The following ZYG11B variants were observed in gnomAD, a reference collection of about 807,000 sequenced individuals.
ZYG11B encodes zyg-11 family member B, cell cycle regulator.
ZYG11B carries 36 observed loss-of-function variants against 82.4 expected under a neutral mutation model. The ratio of observed to expected loss-of-function variants is 0.44; its 90% CI spans 0.33 to 0.58. The LOEUF is 0.58. Among genes scored for constraint, ZYG11B ranks in the 20% least tolerant of loss-of-function variants. The pLI, the probability that ZYG11B is intolerant of heterozygous loss-of-function variation, is 0.02. For synonymous variants in ZYG11B, 303 were observed against 312.8 expected (o/e 0.97, Z 0.33); for missense variants, 552 against 895.6 (o/e 0.62, Z 4.90).
chr1:52,762,234 G>T (rs989173406), intron 2 of ZYG11B, among the ~76,000 whole-genome samples: 2 of 147,970 alleles, frequency 1.4e-5, no homozygotes, highest in Admixed American at 6.7e-5. Flanking sequence ...TTTTTGACAG[G>T]GTCTCACTCT....
At chr1:52,820,978 G>GAGGCACA (rs1645278046) in intron 13 of ZYG11B, among the ~76,000 whole-genome samples, 1 of 151,338 alleles carries the variant, frequency 6.6e-6, no homozygotes, top group African/African-American at 2.4e-5. Context: ...GCATGTGCCT[G>GAGGCACA]TATTTCCAGG....
chr1:52,769,539 C>T (rs1644728227), intron 2 of ZYG11B, among the ~76,000 whole-genome samples: 1 of 152,154 alleles, frequency 6.6e-6, no homozygotes. Context: ...CTGTGTGGAG[C>T]TAGTGACTAT....
rs1316994658 is a variant in ZYG11B at position 52,771,880 on chromosome 1, CAG to C, written c.951+107_951+108del. On this transcript the variant is annotated intron_variant, in intron 3 of 13. Coordinates refer to ENST00000294353, the MANE Select transcript of ZYG11B (RefSeq NM_024646.3). This position sits in a 1 kb window ranked among gnomAD's most constrained non-coding sequence, Gnocchi z 5.4. ...TAATATATGGAACATGTTCATGAAACAGGGCTGCATATAGTTGAAAGGCTTAG... is the reference window on the plus strand; with the variant it reads ...TAATATATGGAACATGTTCATGAAACGGCTGCATATAGTTGAAAGGCTTAG... 5.2e-6 allele frequency: 7 copies of C among 1,343,654 alleles called. No individual in the cohort carries two copies. The African/African-American group carries it at 8.8e-5, about 17-fold the overall frequency. 83.2% of individuals were successfully genotyped at this position (1,343,654 alleles called of 1,614,324 possible).
intron 2 of ZYG11B, among the ~76,000 whole-genome samples, chr1:52,769,287 A>C (rs1644726118): frequency 6.6e-6 from 1 of 152,208 alleles, no homozygotes; most frequent in Non-Finnish European, 1.5e-5. Context: ...GTTTAATCGA[A>C]ATGTAATTTT....
At chr1:52,776,434 T>A (rs1363163473) in intron 3 of ZYG11B, among the ~76,000 whole-genome samples, 1 of 148,650 alleles carries the variant, frequency 6.7e-6, no homozygotes, top group Non-Finnish European at 1.5e-5. Context: ...CTTAGGAGGC[T>A]GAGGCAGGAG....
chr1:52,726,806 C>T (rs1046670919), intron 1 of ZYG11B, 123 bp downstream of exon 1: 7 of 957,104 alleles, frequency 7.3e-6, no homozygotes, highest in East Asian at 3.3e-5. Flanking sequence ...CTGCCTTTAC[C>T]TCTCTCCCTC....
At chr1:52,747,015 A>G (rs758175161) in intron 1 of ZYG11B, among the ~76,000 whole-genome samples, 18 of 151,512 alleles carry the variant, frequency 1.2e-4, no homozygotes, top group Non-Finnish European at 1.5e-4. Context: ...GCCACATTCT[A>G]AATATATGAA....
In ZYG11B at chr1:52,771,162, A is replaced by G. The variant is rs946988931; in HGVS notation, c.339A>G (p.Thr113=). The change falls in exon 3 of 14, where the codon ACA becomes ACG. Residue 113 remains threonine (T), a synonymous_variant. Transcript: ENST00000294353. The surrounding 1 kb of genome is among the most constrained non-coding windows in gnomAD (Gnocchi z 5.4). ...ACAAGTTAGTGGAACTTGATGCCAC[A>G]GGTGTGAATGCTGATATCACGATTA... The part of the protein sequence containing the change: ...CHHKLVELDA[T]GVNADITITD... The G allele has an allele frequency of 1.9e-6, 3 of 1,614,140 alleles. No individual in the cohort carries two copies. The highest frequency in any genetic ancestry group is 2.2e-5 in the East Asian group (1 of 44,904).
chr1:52,784,765 A>G, intron 4 of ZYG11B, 112 bp from the exon 5 acceptor site: 2 of 1,250,566 alleles, frequency 1.6e-6, no homozygotes, highest in South Asian at 2.6e-5. Flanking sequence ...TGAGGATGAA[A>G]AAGAAAATTA....
At chr1:52,764,416 T>C (rs540768096) in intron 2 of ZYG11B, among the ~76,000 whole-genome samples, 14 of 152,200 alleles carry the variant, frequency 9.2e-5, no homozygotes, top group Admixed American at 7.9e-4. Context: ...ATTATAGGTG[T>C]AATTTACCAC....
intron 10 of ZYG11B, 117 bp downstream of exon 10, chr1:52,802,256 G>A: frequency 3.5e-6 from 3 of 864,830 alleles, no homozygotes; most frequent in Middle Eastern, 5.2e-4. Context: ...CTAAGGCACG[G>A]TCATTGCTAA....
intron 4 of ZYG11B, among the ~76,000 whole-genome samples, chr1:52,781,613 G>A (rs1374628458): frequency 6.6e-6 from 1 of 152,142 alleles, no homozygotes; most frequent in Non-Finnish European, 1.5e-5. Context: ...TAATTCCAAG[G>A]TAATTCTTAC....
intron 1 of ZYG11B, among the ~76,000 whole-genome samples, chr1:52,738,712 C>T (rs1177210224): frequency 6.6e-6 from 1 of 151,680 alleles, no homozygotes; most frequent in African/African-American, 2.4e-5. Context: ...CCTCACCTCC[C>T]AAGTTCAAGT....
At chr1:52,746,272 A>T (rs749340176) in intron 1 of ZYG11B, among the ~76,000 whole-genome samples, 8 of 152,198 alleles carry the variant, frequency 5.3e-5, no homozygotes, top group African/African-American at 1.9e-4. Flanking sequence ...TCTTTAAGTT[A>T]TGACCTGTGT....
chr1:52,803,157 C>CATAT (rs1167719162), intron 10 of ZYG11B, among the ~76,000 whole-genome samples: 723 of 42,660 alleles, frequency 0.017, 32 homozygotes, highest in Non-Finnish European at 0.026. Flanking sequence ...TATATATACA[C>CATAT]ATATATATAT....
chr1:52,763,140 TTCTGTGTGG>T (rs766086923), intron 2 of ZYG11B, among the ~76,000 whole-genome samples: 10 of 152,150 alleles, frequency 6.6e-5, no homozygotes, highest in Non-Finnish European at 1.5e-4. Flanking sequence ...TCTCTTCTGT[TTCTGTGTGG>T]TCTATGTGTT....
At chr1:52,817,849 T>TGAGATGGAG in intron 13 of ZYG11B, among the ~76,000 whole-genome samples, 1 of 59,552 alleles carries the variant, frequency 1.7e-5, no homozygotes, top group African/African-American at 6.9e-5. Context: ...TTTTTTTTTT[T>TGAGATGGAG]TTTTTTGAGA....
At chr1:52,737,805 T>G (rs1286574777) in intron 1 of ZYG11B, among the ~76,000 whole-genome samples, 1 of 152,172 alleles carries the variant, frequency 6.6e-6, no homozygotes, top group Non-Finnish European at 1.5e-5. Flanking sequence ...GTTTCATCAG[T>G]GTGTGTTTGA....
Position 52,817,813 on chromosome 1 carries a change from ATATTTTTTTTTTTTTTTTTTTTTTTTTT to A in ZYG11B, c.2044+1186_2044+1213del, listed in dbSNP as rs1464248376. Among the ~76,000 whole-genome samples, 11 of 34,368 alleles carry A rather than the reference ATATTTTTTTTTTTTTTTTTTTTTTTTTT, an allele frequency of 3.2e-4. No individual in the cohort carries two copies. The Admixed American group carries it at 4.8e-3, about 15-fold the overall frequency. The allele number at this position is 34,368 out of a possible 152,430, so 22.5% of individuals were successfully genotyped here. A position where few individuals can be genotyped will look rare whatever the true frequency, so the allele number is the denominator to read the frequency against. ...TATATATATATATATATATATATAT[ATATTTTTTTTTTTTTTTTTTTTTTTTTT>A]TTTTTTTTTTTTTTGAGATGGAGTC... On this transcript the variant is annotated intron_variant, in intron 13 of 13. Transcript: ENST00000294353.
Sources: gnomAD v4.1 joint callset for allele counts (sites outside exome capture counted in the v4.1 genomes callset) on GRCh38, gnomAD v4.1.1 for gene constraint, Gnocchi (gnomAD v3.1) non-coding constraint, MANE v1.5 for transcripts, NCBI Gene and HGNC (gene_info 2026-07-23, HGNC 2026-07-21) for gene names.